ZNF695: variants seen among roughly 807,000 people sequenced by gnomAD.
ZNF695 encodes zinc finger protein SBZF3.
In ZNF695, 11 loss-of-function variants were observed where a neutral mutation model predicts 11.2. That is an observed-to-expected ratio of 0.98 (90% CI 0.62 to 1.62). The LOEUF (loss-of-function observed/expected upper bound fraction) is 1.62. ZNF695 is among the 40% of genes most tolerant of loss of function. The pLI, the probability that ZNF695 is intolerant of heterozygous loss-of-function variation, is 0.00. For missense variants in ZNF695, 559 were observed against 590.5 expected, an observed-to-expected ratio of 0.95 and a Z score of 0.55; for synonymous variants, 190 against 201.4, an observed-to-expected ratio of 0.94 and a Z score of 0.48.
At chr1:246,972,302 G>A (rs1004797406) in intron 4 of ZNF695, among the ~76,000 whole-genome samples, 3 of 152,084 alleles carry the variant, frequency 2.0e-5, no homozygotes, top group African/African-American at 7.2e-5. Flanking sequence ...TACCCAAACC[G>A]GTGGCTGTCC....
At chr1:246,963,546 CG>C (rs1668215676) in intron 5 of ZNF695, among the ~76,000 whole-genome samples, 1 of 152,154 alleles carries the variant, frequency 6.6e-6, no homozygotes. Context: ...GTAAATTCTA[CG>C]CTAGATGACA....
intron 3 of ZNF695, among the ~76,000 whole-genome samples, chr1:246,997,505 GA>G (rs776065138): frequency 5.4e-4 from 68 of 126,566 alleles, no homozygotes; most frequent in African/African-American, 3.8e-4. Context: ...TCTGTCTCAA[GA>G]AAAAAAAAAA....
At chr1:246,951,880 T>C (rs567219843) in intron 5 of ZNF695, among the ~76,000 whole-genome samples, 1 of 152,286 alleles carries the variant, frequency 6.6e-6, no homozygotes, top group South Asian at 2.1e-4. Flanking sequence ...CTCCCCCCGC[T>C]CTTTGTCCTC....
intron 4 of ZNF695, among the ~76,000 whole-genome samples, chr1:246,976,687 G>T (rs910741178): frequency 6.6e-6 from 1 of 151,958 alleles, no homozygotes; most frequent in African/African-American, 2.4e-5. Flanking sequence ...CCAGCTACTC[G>T]GGAGGCTGAG....
chr1:246,959,719 C>T (rs144304076), intron 5 of ZNF695, among the ~76,000 whole-genome samples: 2,547 of 151,958 alleles, frequency 0.017, 35 homozygotes, highest in African/African-American at 0.039. Flanking sequence ...AGCCACCGTG[C>T]CTGGCCCAAA....
Position 246,977,295 on chromosome 1 carries a change from C to T in ZNF695, c.391-9503G>A, listed in dbSNP as rs181824479. 1.3e-3 allele frequency among the ~76,000 whole-genome samples: 201 copies of T among 152,326 alleles called. 1 individual carries two copies. The highest frequency in any genetic ancestry group is 2.5e-3 in the Admixed American group (38 of 15,304). On this transcript the variant is annotated intron_variant, in intron 4 of 5. Transcript: ENST00000487338. ...TGTTTTTGAGACAGAGTCGGTCTGT[C>T]GCCCAGGCTGGAGTGCAGTGGTGTG...
At chr1:246,967,583 G>T (rs964263963) in intron 5 of ZNF695, 17 of 401,972 alleles carry the variant, frequency 4.2e-5, no homozygotes, top group African/African-American at 2.9e-4. Context: ...CAGGTTTCAG[G>T]GGAAGATCAG....
chr1:246,975,694 C>T (rs1173936982), intron 4 of ZNF695, among the ~76,000 whole-genome samples: 4 of 152,154 alleles, frequency 2.6e-5, no homozygotes, highest in Non-Finnish European at 4.4e-5. Context: ...GCATATACAA[C>T]CCTCCCAAGA....
intron 3 of ZNF695, among the ~76,000 whole-genome samples, chr1:246,993,470 A>T (rs760546181): frequency 6.6e-6 from 1 of 152,090 alleles, no homozygotes; most frequent in Non-Finnish European, 1.5e-5. Flanking sequence ...TATCCCAAGA[A>T]CAAGTTTGAG....
At chr1:246,948,087 T>C (rs546036239) in intron 5 of ZNF695, among the ~76,000 whole-genome samples, 1 of 152,204 alleles carries the variant, frequency 6.6e-6, no homozygotes, top group South Asian at 2.1e-4. Context: ...TTTCTTTTCT[T>C]TTTTGAGACA....
intron 3 of ZNF695, among the ~76,000 whole-genome samples, chr1:246,994,079 GCACAAGAAT>G (rs1659811773): frequency 1.3e-5 from 2 of 152,114 alleles, no homozygotes; most frequent in Admixed American, 1.3e-4. Context: ...GGAGCCTGAG[GCACAAGAAT>G]CACTTGAACC....
At chr1:246,981,718 A>G (rs182554637), downstream of ZNF695, among the ~76,000 whole-genome samples, 80 of 152,330 alleles carry the variant, frequency 5.3e-4, no homozygotes, top group African/African-American at 1.9e-3. Flanking sequence ...TATAGAAAAC[A>G]GTAAAGAAGC....
intron 5 of ZNF695, among the ~76,000 whole-genome samples, chr1:246,962,053 C>T (rs11579381): frequency 0.3 from 45,843 of 152,178 alleles, 8,192 homozygotes; most frequent in East Asian, 0.46. Flanking sequence ...TAAGGAAATC[C>T]ATGTGTAATT....
intron 5 of ZNF695, among the ~76,000 whole-genome samples, chr1:246,953,291 G>T: frequency 6.6e-6 from 1 of 152,182 alleles, no homozygotes; most frequent in African/African-American, 2.4e-5. Flanking sequence ...GATGCTGATT[G>T]CTTATTTTCA....
downstream of ZNF695, among the ~76,000 whole-genome samples, chr1:246,984,773 T>C (rs958390891): frequency 2.0e-5 from 3 of 152,250 alleles, no homozygotes; most frequent in Non-Finnish European, 2.9e-5. Flanking sequence ...TGAAAATTAA[T>C]ACACTCACTG....
intron 4 of ZNF695, among the ~76,000 whole-genome samples, chr1:246,970,977 T>C (rs558765874): frequency 1.1e-4 from 17 of 152,116 alleles, no homozygotes; most frequent in African/African-American, 4.1e-4. Context: ...AGACGAGAGA[T>C]CGTAGAAATA....
intron 1 of ZNF695, among the ~76,000 whole-genome samples, chr1:247,005,024 A>G (rs1440656448): frequency 6.6e-6 from 1 of 152,228 alleles, no homozygotes; most frequent in Non-Finnish European, 1.5e-5. Flanking sequence ...AGCAATCTAT[A>G]AACTCTGTGT....
intron 5 of ZNF695, among the ~76,000 whole-genome samples, chr1:246,966,519 T>A (rs1335652839): frequency 6.6e-6 from 1 of 151,546 alleles, no homozygotes; most frequent in African/African-American, 2.4e-5. Flanking sequence ...GCACAGTGAG[T>A]CACACCTGTA....
chr1:246,984,477 T>C (rs1668797199), downstream of ZNF695, among the ~76,000 whole-genome samples: 1 of 152,186 alleles, frequency 6.6e-6, no homozygotes, highest in African/African-American at 2.4e-5. Flanking sequence ...TCCTGGATAT[T>C]TCCAATCTCT....
Sources: gnomAD v4.1 joint callset for allele counts (sites outside exome capture counted in the v4.1 genomes callset) on GRCh38, gnomAD v4.1.1 for gene constraint, MANE v1.5 for transcripts, NCBI Gene and HGNC (gene_info 2026-07-23, HGNC 2026-07-21) for gene names.